Variants in SYT14 observed in about 807,000 individuals in gnomAD.
SYT14 encodes synaptotagmin-14.
Under a neutral mutation model 74.2 loss-of-function variants are expected in SYT14, and 32 were observed. That is an observed-to-expected ratio of 0.43 (90% CI 0.33 to 0.58). The LOEUF (loss-of-function observed/expected upper bound fraction) is 0.58. Among genes scored for constraint, SYT14 ranks in the 20% least tolerant of loss-of-function variants. SYT14 has a pLI of 0.05. For missense variants in SYT14, 791 were observed against 981.8 expected, an observed-to-expected ratio of 0.81 and a Z score of 2.60; for synonymous variants, 298 against 337.7, an observed-to-expected ratio of 0.88 and a Z score of 1.29.
At chr1:210,171,100 TTTG>T (rs1332744342) in exon 10 of SYT14, 1 of 152,198 alleles carries the variant, frequency 6.6e-6, no homozygotes, top group Non-Finnish European at 1.5e-5. Flanking sequence ...CCAATAGTAG[TTTG>T]TTGATTTTTA....
exon 7 of SYT14, chr1:210,100,065 G>A: frequency 2.5e-6 from 4 of 1,614,058 alleles, no homozygotes; most frequent in Middle Eastern, 1.6e-4. Flanking sequence ...TTGATCCTGA[G>A]CCAGAAGCTA....
chr1:210,043,373 T>C (rs1254404118), intron 5 of SYT14, among the ~76,000 whole-genome samples: 2 of 151,978 alleles, frequency 1.3e-5, no homozygotes, highest in African/African-American at 2.4e-5. Flanking sequence ...CAGATAGATA[T>C]ATTTCTACTC....
At chr1:210,089,893 GC>G (rs1190485009) in intron 5 of SYT14, among the ~76,000 whole-genome samples, 1 of 152,236 alleles carries the variant, frequency 6.6e-6, no homozygotes, top group Non-Finnish European at 1.5e-5. Context: ...CCACAGAGCA[GC>G]CCAAGAGCAC....
intron 7 of SYT14, among the ~76,000 whole-genome samples, chr1:210,102,168 G>A (rs1181435544): frequency 6.6e-6 from 1 of 151,988 alleles, no homozygotes; most frequent in African/African-American, 2.4e-5. Flanking sequence ...TTGTGTCATG[G>A]GGGTTTGTTT....
At chr1:210,094,733 A>G in intron 6 of SYT14, 140 bp downstream of exon 5, 1 of 1,065,830 alleles carries the variant, frequency 9.4e-7, no homozygotes. Context: ...CCTTAATCTA[A>G]TCTTTATCCA....
chr1:210,128,141 G>A lies in SYT14; in HGVS notation c.2035-27580G>A, dbSNP rs866308533. ...TAATCCCAGCACTTTGGAAGGCTGA[G>A]GCAGGACGATCGCTTGAGGTCAGAA... On this transcript the variant is annotated intron_variant, in intron 7 of 9. Transcript: ENST00000637265. 8.5e-5 allele frequency among the ~76,000 whole-genome samples: 13 copies of A among 152,176 alleles called. No homozygotes were observed. The South Asian group carries it at 1.9e-3, about 22-fold the overall frequency.
At chr1:209,965,918 T>A (rs2102732028) in intron 2 of SYT14, 1 of 455,412 alleles carries the variant, frequency 2.2e-6, no homozygotes, top group Admixed American at 2.4e-5. Context: ...GTGGCCAGGC[T>A]GGAGTACAGT....
At chr1:209,962,197 AT>A (rs763540911) in intron 2 of SYT14, among the ~76,000 whole-genome samples, 150 of 152,068 alleles carry the variant, frequency 9.9e-4, no homozygotes, top group Non-Finnish European at 1.6e-3. Flanking sequence ...ATTTTAAAAA[AT>A]ATTGTCATAA....
intron 5 of SYT14, 122 bp from the exon 5 acceptor site, chr1:210,094,200 C>G: frequency 7.6e-7 from 1 of 1,310,532 alleles, no homozygotes; most frequent in Non-Finnish European, 1.1e-6. Context: ...ATTAGTAAAT[C>G]TAATAGTTAT....
intron 5 of SYT14, among the ~76,000 whole-genome samples, chr1:210,070,198 A>T (rs1400593900): frequency 6.6e-6 from 1 of 152,044 alleles, no homozygotes; most frequent in African/African-American, 2.4e-5. Context: ...CATACATTTA[A>T]GGATCTTGGG....
chr1:210,023,761 A>G (rs1202596101), intron 5 of SYT14, among the ~76,000 whole-genome samples: 1 of 152,208 alleles, frequency 6.6e-6, no homozygotes, highest in African/African-American at 2.4e-5. Flanking sequence ...CTTGAGTGAG[A>G]ATTATTTCAA....
intron 2 of SYT14, among the ~76,000 whole-genome samples, chr1:209,969,213 G>A (rs754151061): frequency 1.3e-5 from 2 of 152,068 alleles, no homozygotes; most frequent in Non-Finnish European, 2.9e-5. Context: ...ACATATGTGT[G>A]CATATGCCTT....
At chr1:209,994,967 C>A (rs2079762083) in intron 2 of SYT14, among the ~76,000 whole-genome samples, 1 of 152,112 alleles carries the variant, frequency 6.6e-6, no homozygotes, top group East Asian at 1.9e-4. Context: ...TCAACTAGAC[C>A]AGCCATATAA....
chr1:210,052,685 G>A (rs1417630827), intron 5 of SYT14, among the ~76,000 whole-genome samples: 167 of 47,180 alleles, frequency 3.5e-3, no homozygotes, highest in African/African-American at 7.3e-3. Context: ...AAAAAAAAAA[G>A]CTCTCCAAGC....
chr1:210,156,567 T>A (rs1276212665), intron 8 of SYT14, among the ~76,000 whole-genome samples: 1 of 152,024 alleles, frequency 6.6e-6, no homozygotes, highest in Non-Finnish European at 1.5e-5. Context: ...TCTCTCTGGA[T>A]CTCTCTCCCA....
At chr1:210,022,309 ATAAAT>A (rs1456292414) in intron 5 of SYT14, among the ~76,000 whole-genome samples, 3 of 152,238 alleles carry the variant, frequency 2.0e-5, no homozygotes, top group Admixed American at 1.3e-4. Context: ...AGATATAATA[ATAAAT>A]TAATCAAATA....
At chr1:210,075,901 A>G (rs1180626359) in intron 5 of SYT14, among the ~76,000 whole-genome samples, 1 of 152,138 alleles carries the variant, frequency 6.6e-6, no homozygotes, top group Non-Finnish European at 1.5e-5. Flanking sequence ...TTTGTGTTAA[A>G]TAGTACCTGC....
intron 5 of SYT14, among the ~76,000 whole-genome samples, chr1:210,024,108 T>C (rs115848302): frequency 1.0e-3 from 154 of 152,274 alleles, no homozygotes; most frequent in African/African-American, 3.4e-3. Context: ...GAATAGAAGA[T>C]AAAATTGAAA....
intron 7 of SYT14, among the ~76,000 whole-genome samples, chr1:210,141,511 A>G (rs2082913642): frequency 6.6e-6 from 1 of 152,170 alleles, no homozygotes; most frequent in Non-Finnish European, 1.5e-5. Flanking sequence ...CTTCACTTCC[A>G]ATCTGAATGC....
Sources: allele counts gnomAD v4.1 joint callset (sites outside exome capture counted in the v4.1 genomes callset), GRCh38; gene constraint gnomAD v4.1.1; transcripts MANE v1.5; gene names NCBI Gene and HGNC (gene_info 2026-07-23, HGNC 2026-07-21).